The following NTNG1 variants were observed in gnomAD, a reference collection of about 807,000 sequenced individuals.
NTNG1 encodes netrin-G1.
In NTNG1, 16 loss-of-function variants were observed where a neutral mutation model predicts 54.0. That is an observed-to-expected ratio of 0.30 (90% CI 0.20 to 0.45). The LOEUF is 0.45. Ranked by LOEUF, NTNG1 falls within the 20% of genes least tolerant of loss-of-function variation. The pLI is 1.00. For synonymous variants in NTNG1, 255 were observed against 263.1 expected (o/e 0.97, Z 0.30); for missense variants, 530 against 678.7 (o/e 0.78, Z 2.43).
At chr1:107,352,679 T>G (rs143204181) in intron 3 of NTNG1, among the ~76,000 whole-genome samples, 1 of 152,386 alleles carries the variant, frequency 6.6e-6, no homozygotes, top group East Asian at 1.9e-4. Context: ...CATTAAATCT[T>G]AAAGCTTCAA....
At chr1:107,337,339 T>C (rs913985087) in intron 3 of NTNG1, among the ~76,000 whole-genome samples, 1 of 152,024 alleles carries the variant, frequency 6.6e-6, no homozygotes. Context: ...GACATTATGC[T>C]AAGTGAAATA....
intron 2 of NTNG1, among the ~76,000 whole-genome samples, chr1:107,298,762 G>A (rs887509465): frequency 6.6e-6 from 1 of 152,152 alleles, no homozygotes; most frequent in Non-Finnish European, 1.5e-5. Context: ...TCCTGTTGAT[G>A]TGACTGAACA....
rs530185780 is a variant in NTNG1, at chr1:107,302,091, C to T, written c.247-22191C>T. Among the ~76,000 whole-genome samples the T allele has an allele frequency of 8.5e-5, 13 of 152,236 alleles. No individual in the cohort carries two copies. In the South Asian group the frequency reaches 2.5e-3, roughly 29 times the overall value. ...TAAACTTTCCCTTATTTCCTAGGACCAACGTCCACCCCTTTGTACTCAGAA... is the reference window on the plus strand; with the variant it reads ...TAAACTTTCCCTTATTTCCTAGGACTAACGTCCACCCCTTTGTACTCAGAA... On this transcript the variant is annotated intron_variant, in intron 2 of 7. Transcript: ENST00000370068.
intron 5 of NTNG1, among the ~76,000 whole-genome samples, chr1:107,411,224 C>A (rs1171732006): frequency 6.6e-6 from 1 of 152,038 alleles, no homozygotes; most frequent in African/African-American, 2.4e-5. Flanking sequence ...AACAACAGTT[C>A]ACTTAAGGGA....
intron 2 of NTNG1, among the ~76,000 whole-genome samples, chr1:107,317,404 A>G (rs1425567969): frequency 2.0e-5 from 3 of 152,142 alleles, no homozygotes; most frequent in Non-Finnish European, 2.9e-5. Context: ...CAACCTCCCT[A>G]CCACTTACAA....
intron 5 of NTNG1, among the ~76,000 whole-genome samples, chr1:107,424,611 G>A (rs893827826): frequency 6.6e-6 from 1 of 152,118 alleles, no homozygotes; most frequent in African/African-American, 2.4e-5. Context: ...TAGAGATGGT[G>A]AGAGGTGTAG....
At chr1:107,396,374 C>T (rs1672685314) in intron 4 of NTNG1, among the ~76,000 whole-genome samples, 1 of 152,026 alleles carries the variant, frequency 6.6e-6, no homozygotes, top group African/African-American at 2.4e-5. Flanking sequence ...AAGTAACAAA[C>T]CATGAAGTAT....
chr1:107,170,030 T>C (rs1656100040), intron 2 of NTNG1, among the ~76,000 whole-genome samples: 1 of 152,164 alleles, frequency 6.6e-6, no homozygotes, highest in Non-Finnish European at 1.5e-5. Context: ...ACTCAGATTA[T>C]CTAGGATAAT....
At chr1:107,413,109 A>ATTTCT (rs56024304) in intron 5 of NTNG1, among the ~76,000 whole-genome samples, 10 of 149,646 alleles carry the variant, frequency 6.7e-5, no homozygotes, top group African/African-American at 2.5e-4. Flanking sequence ...TTTCCTGTGG[A>ATTTCT]TTTCTTTTCT....
chr1:107,212,299 A>G (rs1659649339), intron 2 of NTNG1, among the ~76,000 whole-genome samples: 3 of 152,194 alleles, frequency 2.0e-5, no homozygotes, highest in African/African-American at 7.2e-5. Context: ...ATATTACATC[A>G]TTTAATGAGT....
chr1:107,448,080 T>TCC, intron 7 of NTNG1, among the ~76,000 whole-genome samples: 1 of 152,114 alleles, frequency 6.6e-6, no homozygotes, highest in Non-Finnish European at 1.5e-5. Context: ...AGTACCTTCC[T>TCC]CTTGTCAAAA....
intron 3 of NTNG1, among the ~76,000 whole-genome samples, chr1:107,361,645 C>T (rs1452640089): frequency 1.3e-5 from 2 of 151,808 alleles, no homozygotes; most frequent in Non-Finnish European, 2.9e-5. Flanking sequence ...GCCTCGGCCT[C>T]CCAAAGTGCT....
chr1:107,149,810 G>A (rs1445494741), intron 2 of NTNG1, among the ~76,000 whole-genome samples: 3 of 151,772 alleles, frequency 2.0e-5, no homozygotes, highest in Non-Finnish European at 2.9e-5. Flanking sequence ...GAAGAACTGC[G>A]ATCCTGTTTT....
Position 107,297,154 on chromosome 1 carries a change from T to TAA in NTNG1, c.247-27127_247-27126dup, listed in dbSNP as rs560020064. Among the ~76,000 whole-genome samples, 25 of 142,708 alleles carry TAA rather than the reference T, an allele frequency of 1.8e-4. No individual in the cohort carries two copies. In the South Asian group the frequency reaches 4.6e-3, roughly 26 times the overall value. The allele number at this position is 142,708 out of a possible 152,430, so 93.6% of individuals were successfully genotyped here. On this transcript the variant is annotated intron_variant, in intron 2 of 7. Coordinates refer to ENST00000370068, the MANE Select transcript of NTNG1 (RefSeq NM_001113226.3). ...ATATATATAACATCATATATATATA[T>TAA]AACATCATATATATAACATCATATA...
chr1:107,229,190 G>C (rs942988908), intron 2 of NTNG1, among the ~76,000 whole-genome samples: 2 of 151,708 alleles, frequency 1.3e-5, no homozygotes, highest in African/African-American at 4.8e-5. Context: ...AGGGCTCTTC[G>C]GATGGCAGCC....
At position 107,484,336 on chromosome 1, in the gene NTNG1, T is replaced by A. The variant is rs1046447027; in HGVS notation, c.*3496T>A. 2.6e-5 allele frequency among the ~76,000 whole-genome samples: 4 copies of A among 152,202 alleles called. No individual in the cohort carries two copies. Among genetic ancestry groups the A allele is most frequent in the African/African-American group, 9.6e-5 (4 of 41,532 alleles). ...GGGGCCAGTACAGAACACTGAACAG[T>A]CTAAGAATTCTAAATCTATACCTGG... On this transcript the variant is annotated 3_prime_UTR_variant, in exon 8 of 8. Coordinates refer to ENST00000370068, the MANE Select transcript of NTNG1 (RefSeq NM_001113226.3).
chr1:107,472,270 A>C (rs1299610880), intron 7 of NTNG1, among the ~76,000 whole-genome samples: 1 of 152,208 alleles, frequency 6.6e-6, no homozygotes, highest in Admixed American at 6.5e-5. Flanking sequence ...CTATTACACA[A>C]GACCATCCAT....
chr1:107,417,579 A>G (rs1176741205), intron 5 of NTNG1, among the ~76,000 whole-genome samples: 1 of 152,100 alleles, frequency 6.6e-6, no homozygotes, highest in Admixed American at 6.6e-5. Flanking sequence ...AACTGGCAAT[A>G]TTAAAACTCA....
chr1:107,329,787 C>G (rs1668173845), intron 3 of NTNG1, among the ~76,000 whole-genome samples: 1 of 152,010 alleles, frequency 6.6e-6, no homozygotes, highest in Admixed American at 6.6e-5. Context: ...AATACTTATC[C>G]TCTACTCTGG....
Sources: gnomAD v4.1 joint callset for allele counts (sites outside exome capture counted in the v4.1 genomes callset) on GRCh38, gnomAD v4.1.1 for gene constraint, MANE v1.5 for transcripts, NCBI Gene and HGNC (gene_info 2026-07-23, HGNC 2026-07-21) for gene names.